Variants in REDIC1 observed in about 807,000 individuals in gnomAD.
The protein encoded by REDIC1 is regulator of DNA class I crossover intermediates 1.
chr12:39,836,823 C>T, the REDIC1 span, among the ~76,000 whole-genome samples: 1 of 97,678 alleles, frequency 1.0e-5, no homozygotes, highest in Non-Finnish European at 2.0e-5. Flanking sequence ...CAAACCACTG[C>T]TCAAGGAAAT....
chr12:39,698,238 A>G, the REDIC1 span, among the ~76,000 whole-genome samples: 26 of 152,326 alleles, frequency 1.7e-4, no homozygotes, highest in African/African-American at 5.8e-4. Context: ...TTAAAGAGGT[A>G]GTTAGGCCAT....
the REDIC1 span, chr12:39,757,021 TTGAC>T: frequency 6.6e-6 from 1 of 151,798 alleles, no homozygotes; most frequent in African/African-American, 2.4e-5. Context: ...TGGGAAATGA[TTGAC>T]TAAGGAGCAA....
At chr12:39,679,972 T>G in the REDIC1 span, among the ~76,000 whole-genome samples, 1 of 152,244 alleles carries the variant, frequency 6.6e-6, no homozygotes, top group Non-Finnish European at 1.5e-5. Flanking sequence ...ATCTCTCACC[T>G]TATATAAAAA....
the REDIC1 span, among the ~76,000 whole-genome samples, chr12:39,722,214 G>A: frequency 6.6e-6 from 1 of 152,072 alleles, no homozygotes; most frequent in East Asian, 1.9e-4. Context: ...GTGATTTGGG[G>A]CATTGCAATT....
At chr12:39,790,183 T>C in the REDIC1 span, among the ~76,000 whole-genome samples, 1 of 150,574 alleles carries the variant, frequency 6.6e-6, no homozygotes, top group South Asian at 2.1e-4. Flanking sequence ...AATTTTTTAT[T>C]AGTATAGCCT....
At chr12:39,704,689 T>C in the REDIC1 span, among the ~76,000 whole-genome samples, 1 of 152,082 alleles carries the variant, frequency 6.6e-6, no homozygotes, top group African/African-American at 2.4e-5. Context: ...CCAACAATGA[T>C]AGACTAGATT....
chr12:39,697,974 TAAA>T, the REDIC1 span, among the ~76,000 whole-genome samples: 1 of 151,976 alleles, frequency 6.6e-6, no homozygotes, highest in Non-Finnish European at 1.5e-5. Flanking sequence ...GCTGAATGGA[TAAA>T]AAATAAAACC....
chr12:39,636,417 T>G, the REDIC1 span, among the ~76,000 whole-genome samples: 1 of 152,122 alleles, frequency 6.6e-6, no homozygotes, highest in African/African-American at 2.4e-5. Flanking sequence ...ATCATTACTA[T>G]TCCTAACACA....
At chr12:39,895,414 TGG>T in the REDIC1 span, among the ~76,000 whole-genome samples, 1 of 141,212 alleles carries the variant, frequency 7.1e-6, no homozygotes, top group Admixed American at 7.4e-5. Flanking sequence ...GGCCTGAACC[TGG>T]GAGGTGGAGC....
At chr12:39,871,620 G>A in the REDIC1 span, among the ~76,000 whole-genome samples, 7 of 152,018 alleles carry the variant, frequency 4.6e-5, no homozygotes, top group East Asian at 3.9e-4. Flanking sequence ...GTCACGTAGC[G>A]TAACAGTTGT....
the REDIC1 span, among the ~76,000 whole-genome samples, chr12:39,725,666 T>C: frequency 6.6e-5 from 10 of 152,026 alleles, no homozygotes; most frequent in Non-Finnish European, 1.5e-4. Flanking sequence ...TTCTGTGTCA[T>C]GCACATTTTA....
At chr12:39,629,356 A>G in the REDIC1 span, among the ~76,000 whole-genome samples, 1 of 152,204 alleles carries the variant, frequency 6.6e-6, no homozygotes, top group East Asian at 1.9e-4. Context: ...AAGTGAATGA[A>G]TGAAGCAAAT....
the REDIC1 span, among the ~76,000 whole-genome samples, chr12:39,766,436 C>T: frequency 6.6e-6 from 1 of 152,016 alleles, no homozygotes; most frequent in African/African-American, 2.4e-5. Flanking sequence ...TCATCTGCAC[C>T]TTTCACAAGT....
At chr12:39,782,163 C>T in the REDIC1 span, among the ~76,000 whole-genome samples, 1 of 152,118 alleles carries the variant, frequency 6.6e-6, no homozygotes, top group South Asian at 2.1e-4. Flanking sequence ...TCTTGCTATG[C>T]TTTTATTACA....
the REDIC1 span, chr12:39,641,067 T>C: frequency 2.4e-5 from 28 of 1,176,694 alleles, no homozygotes; most frequent in Non-Finnish European, 3.4e-5. Flanking sequence ...CTACCACTAA[T>C]ACATTCACCT....
At chr12:39,773,130 G>T in the REDIC1 span, among the ~76,000 whole-genome samples, 8 of 152,228 alleles carry the variant, frequency 5.3e-5, no homozygotes, top group African/African-American at 1.9e-4. Context: ...TTTGACATCA[G>T]TGTGTGGGCT....
the REDIC1 span, among the ~76,000 whole-genome samples, chr12:39,714,285 G>GTATATGCATGCATATATGTATATACT: frequency 3.2e-4 from 46 of 142,030 alleles, 12 homozygotes; most frequent in Non-Finnish European, 5.5e-4. Context: ...ATGTATATAC[G>GTATATGCATGCATATATGTATATACT]TATATGCATG....
At chr12:39,760,206 G>A in the REDIC1 span, 1 of 1,612,752 alleles carries the variant, frequency 6.2e-7, no homozygotes. Flanking sequence ...AGCCATAGAT[G>A]AAAAGGAGTC....
chr12:39,660,786 A>G, the REDIC1 span, among the ~76,000 whole-genome samples: 1 of 151,702 alleles, frequency 6.6e-6, no homozygotes, highest in Non-Finnish European at 1.5e-5. Flanking sequence ...TACCCATTAA[A>G]CCTCCCTTCA....
Sources: gnomAD v4.1 joint callset for allele counts (sites outside exome capture counted in the v4.1 genomes callset) on GRCh38, gnomAD v4.1.1 for gene constraint, MANE v1.5 for transcripts, NCBI Gene and HGNC (gene_info 2026-07-23, HGNC 2026-07-21) for gene names.